Variants in NID2 observed in about 807,000 individuals in gnomAD.
NID2 encodes the protein nidogen-2.
Under a neutral mutation model 145.4 loss-of-function variants are expected in NID2, and 83 were observed. That is an observed-to-expected ratio of 0.57 (90% CI 0.48 to 0.69). NID2 has a LOEUF of 0.69. NID2 is among the 30% of genes least tolerant of loss of function. NID2 has a pLI of 0.00. For synonymous variants in NID2, 739 were observed against 701.3 expected (o/e 1.05, Z -0.85); for missense variants, 1,807 against 1,765.7 (o/e 1.02, Z -0.42).
intron 6 of NID2, 148 bp downstream of exon 6, chr14:52,042,634 C>T (rs1187296875): frequency 1.1e-6 from 1 of 871,382 alleles, no homozygotes; most frequent in Non-Finnish European, 1.8e-6. Context: ...GTTCATTCCT[C>T]ACACATTTAT....
At chr14:52,013,743 ACTC>A (rs1566743388) in intron 16 of NID2, among the ~76,000 whole-genome samples, 3 of 151,928 alleles carry the variant, frequency 2.0e-5, no homozygotes, top group East Asian at 1.9e-4. Context: ...AGCATCACAC[ACTC>A]CTCAAGTTTT....
At chr14:52,038,615 T>G in intron 9 of NID2, 132 bp downstream of exon 9, 1 of 609,778 alleles carries the variant, frequency 1.6e-6, no homozygotes, top group Non-Finnish European at 2.7e-6. Flanking sequence ...GGCAAGGATC[T>G]GCTCTATTCA....
At chr14:52,010,729 C>T (rs1890980905) in intron 18 of NID2, 147 bp downstream of exon 18, 13 of 737,772 alleles carry the variant, frequency 1.8e-5, no homozygotes, top group Non-Finnish European at 2.4e-5. Flanking sequence ...GGTCCTGACA[C>T]CTCTTAGATC....
Position 52,068,155 on chromosome 14 carries a change from G to C in NID2, c.237C>G (p.Thr79=). ...EARFSNLYVG[T]NGIISTQDFP... is the part of the protein sequence containing the mutation. ...AGTCCTGAGTGGAGATGATGCCGTT[G>C]GTGCCCACCTGGGAGAGGAGAGGGA... is the stretch of plus-strand genomic sequence containing the variant. Residue 79 remains threonine (T), a synonymous_variant, in exon 2 of 22, where the codon ACC becomes ACG. Coordinates refer to ENST00000216286, the MANE Select transcript of NID2 (RefSeq NM_007361.4). 6.2e-7 allele frequency: 1 copy of C among 1,613,012 alleles called. No individual in the cohort carries two copies. Among genetic ancestry groups the C allele is most frequent in the Non-Finnish European group, 8.5e-7 (1 of 1,179,824 alleles).
At chr14:52,016,623 C>T (rs1891222293) in intron 14 of NID2, among the ~76,000 whole-genome samples, 1 of 152,166 alleles carries the variant, frequency 6.6e-6, no homozygotes, top group Non-Finnish European at 1.5e-5. Flanking sequence ...GTCAAAAAGC[C>T]TCATCCTCTC....
At position 52,042,213 on chromosome 14, in the gene NID2, G is replaced by T. The variant is rs1342887997; in HGVS notation, c.1717C>A (p.Pro573Thr). ...GRAYTAISHI[P>T]QPAAQALLPL... ...AGGAGGGCCTGGGCTGCTGGCTGTG[G>T]GATGTGGCTGATGGCCGTGTAGGCT... The change falls in exon 7 of 22, where the codon CCA becomes ACA. Residue 573 changes from proline (P) to threonine (T), a missense_variant. By Grantham distance (38) the Pro-to-Thr change is conservative. Transcript: ENST00000216286. The T allele has an allele frequency of 6.2e-7, 1 of 1,614,176 alleles. No homozygotes were observed. Among genetic ancestry groups the T allele is most frequent in the Non-Finnish European group, 8.5e-7 (1 of 1,180,032 alleles).
chr14:52,030,218 T>C (rs2516597), intron 9 of NID2, among the ~76,000 whole-genome samples: 148,160 of 152,252 alleles, frequency 0.97, 72,173 homozygotes, highest in Non-Finnish European at 1. Flanking sequence ...AAAAATCTTG[T>C]TTTTTAAAGA....
In NID2 at chr14:52,069,007, G is replaced by T. The variant is rs200544333; in HGVS notation, c.-13C>A. ...GGTCCCCCTCCATGCTCGCTCGGCCGTGCGCTTACCCGCTGCACAACGCGT... is the reference window on the plus strand; with the variant it reads ...GGTCCCCCTCCATGCTCGCTCGGCCTTGCGCTTACCCGCTGCACAACGCGT... On this transcript the variant is annotated 5_prime_UTR_variant, in exon 1 of 22. Coordinates refer to ENST00000216286, the MANE Select transcript of NID2 (RefSeq NM_007361.4). 1,292 of 1,592,846 alleles carry T rather than the reference G, an allele frequency of 8.1e-4. No individual in the cohort carries two copies. The highest frequency in any genetic ancestry group is 1.0e-3 in the Non-Finnish European group (1,210 of 1,166,564).
Position 52,010,892 on chromosome 14 carries a change from C to T in NID2, c.3706G>A (p.Val1236Met). The change falls in exon 18 of 22, where the codon GTG becomes ATG. Residue 1236 changes from valine to methionine, a missense_variant. By Grantham distance (21) the Val-to-Met change is conservative. Coordinates refer to ENST00000216286, the MANE Select transcript of NID2 (RefSeq NM_007361.4). ...TDLVNPRAIA[V>M]DPIRGNLYWT... is the part of the protein sequence containing the mutation. The stretch of plus-strand genomic sequence containing the variant: ...CCAGCTGACCCTCGGATTGGATCCA[C>T]AGCGATGGCACGGGGATTCACCAGA... 1 of 1,613,104 alleles carries T rather than the reference C, an allele frequency of 6.2e-7. No individual in the cohort carries two copies.
At chr14:52,015,429 A>C (rs1288475886) in intron 14 of NID2, among the ~76,000 whole-genome samples, 154 bp from the exon 15 acceptor site, 3 of 152,252 alleles carry the variant, frequency 2.0e-5, no homozygotes, top group Admixed American at 6.5e-5. Context: ...AAACTTGGGA[A>C]GCAAATGTGT....
At chr14:52,060,474 C>A in intron 2 of NID2, 118 bp from the exon 3 acceptor site, 1 of 501,252 alleles carries the variant, frequency 2.0e-6, no homozygotes, top group South Asian at 6.7e-5. Flanking sequence ...AAGAACTTCC[C>A]CTTTTTCAGG....
rs1388002462 is a variant in NID2 at position 52,054,157 on chromosome 14, T to C, written c.932A>G (p.Asn311Ser). The C allele has an allele frequency of 2.5e-6, 4 of 1,614,032 alleles. No individual in the cohort carries two copies. Among genetic ancestry groups the C allele is most frequent in the Non-Finnish European group, 3.4e-6 (4 of 1,180,026 alleles). Residue 311 changes from asparagine (N) to serine (S), a missense_variant, in exon 4 of 22, where the codon AAT (asparagine) becomes AGT (serine). Physicochemically the swap from Asn to Ser is conservative, Grantham distance 46. Coordinates refer to ENST00000216286, the MANE Select transcript of NID2 (RefSeq NM_007361.4). The stretch of plus-strand genomic sequence containing the variant: ...ATCATAGTAATCCAAATTGTCCTCA[T>C]TATAGTCACTTTCCAGGGCTGTAGC... Reference protein sequence around the residue: ...SHATALESDYNEDNLDYYDVN... With the variant: ...SHATALESDYSEDNLDYYDVN...
At chr14:52,030,516 A>AAAGAAAGAAAG (rs1555363697) in intron 9 of NID2, among the ~76,000 whole-genome samples, 1 of 63,068 alleles carries the variant, frequency 1.6e-5, no homozygotes, top group Admixed American at 2.0e-4. Flanking sequence ...AGAAAGAAAG[A>AAAGAAAGAAAG]AAAGAAAGAA....
At position 52,053,704 on chromosome 14, in the gene NID2, A is replaced by G; in HGVS notation, c.1304T>C (p.Val435Ala). Residue 435 changes from valine (V) to alanine (A), a missense_variant, in exon 5 of 22, where the codon GTT (valine) becomes GCT (alanine). Physicochemically the swap from Val to Ala is moderately conservative, Grantham distance 64. Transcript: ENST00000216286. Reference protein sequence around the residue: ...DGGPVPSEMDVPPAHPEEEIV... With the variant: ...DGGPVPSEMDAPPAHPEEEIV... Reference sequence around the variant, plus strand: ...TTCTTCTTCAGGATGAGCTGGGGGAACATCCATTTCCGAAGGCACTGGCCC... The same window carrying G: ...TTCTTCTTCAGGATGAGCTGGGGGAGCATCCATTTCCGAAGGCACTGGCCC... 3.1e-6 allele frequency: 5 copies of G among 1,614,230 alleles called. No homozygotes were observed. The highest frequency in any genetic ancestry group is 4.2e-6 in the Non-Finnish European group (5 of 1,180,028).
intron 17 of NID2, 89 bp from the exon 18 acceptor site, chr14:52,011,136 T>C (rs1595000388): frequency 3.8e-6 from 5 of 1,319,644 alleles, no homozygotes; most frequent in South Asian, 2.6e-5. Flanking sequence ...GGCAGGGGGG[T>C]CAGCAGGGGA....
At chr14:52,014,567 C>T (rs1315507585) in intron 15 of NID2, 111 bp from the exon 16 acceptor site, 16 of 1,127,702 alleles carry the variant, frequency 1.4e-5, no homozygotes, top group Admixed American at 2.6e-5. Flanking sequence ...AAAAGTTCTT[C>T]GCCCTACGCA....
intron 13 of NID2, 103 bp downstream of exon 13, chr14:52,019,956 C>A: frequency 6.8e-7 from 1 of 1,471,630 alleles, no homozygotes; most frequent in East Asian, 2.4e-5. Context: ...GGAAAATCCA[C>A]CAAGGCTCCA....
chr14:52,058,892 G>A (rs1337961668), intron 3 of NID2, among the ~76,000 whole-genome samples: 1 of 151,848 alleles, frequency 6.6e-6, no homozygotes, highest in East Asian at 1.9e-4. Flanking sequence ...GGAACCAGAG[G>A]AGGGAGAGTA....
At chr14:52,057,405 T>C (rs1892885063) in intron 3 of NID2, among the ~76,000 whole-genome samples, 1 of 152,084 alleles carries the variant, frequency 6.6e-6, no homozygotes, top group African/African-American at 2.4e-5. Context: ...GTGACTTACT[T>C]TAAAACATTT....
Sources: allele counts gnomAD v4.1 joint callset (sites outside exome capture counted in the v4.1 genomes callset), GRCh38; gene constraint gnomAD v4.1.1; transcripts MANE v1.5; gene names NCBI Gene and HGNC (gene_info 2026-07-23, HGNC 2026-07-21).